The following JAK1 variants were observed in gnomAD, a reference collection of about 807,000 sequenced individuals.
The protein encoded by JAK1 is tyrosine-protein kinase JAK1.
In JAK1, 16 loss-of-function variants were observed where a neutral mutation model predicts 136.6. The observed-to-expected ratio is 0.12, with a 90% CI of 0.08 to 0.18. The LOEUF (loss-of-function observed/expected upper bound fraction) is 0.18. Ranked by LOEUF, JAK1 falls within the 10% of genes least tolerant of loss-of-function variation. The pLI is 1.00. For synonymous variants in JAK1, 492 were observed against 519.5 expected (o/e 0.95, Z 0.72); for missense variants, 859 against 1,450.1 (o/e 0.59, Z 6.62).
chr1:64,926,432 G>A (rs947398272), intron 1 of JAK1, among the ~76,000 whole-genome samples: 9 of 133,672 alleles, frequency 6.7e-5, no homozygotes, highest in South Asian at 2.2e-4. Context: ...CAGAGCCATC[G>A]CAGCACTGTT....
Position 64,867,056 on chromosome 1 carries a change from T to C in JAK1, c.800A>G (p.Lys267Arg). 1.2e-6 allele frequency: 2 copies of C among 1,614,276 alleles called. No homozygotes were observed. The highest frequency in any genetic ancestry group is 1.7e-6 in the Non-Finnish European group (2 of 1,180,052). ...TTCCAAGGTAGCCAAGTATTTCACC[T>C]TCAGGTCATGCGTGGACACGCTGCT... ...CDSSVSTHDLKVKYLATLETL... is the reference protein window; with the variant it reads ...CDSSVSTHDLRVKYLATLETL... The change falls in exon 7 of 25, where the codon AAG becomes AGG. Residue 267 changes from lysine (K) to arginine (R), a missense_variant. Lys to Arg is a conservative substitution (Grantham distance 26). This residue lies in a region of JAK1 where 353 missense variants were observed against 494.0 expected (regional missense o/e 0.71). Transcript: ENST00000342505.
chr1:64,883,283 C>T lies in JAK1; in HGVS notation c.199G>A (p.Ala67Thr), dbSNP rs2101263671. Residue 67 changes from alanine (A) to threonine (T), a missense_variant, in exon 3 of 25, where the codon GCA becomes ACA. Coordinates refer to ENST00000342505, the MANE Select transcript of JAK1 (RefSeq NM_002227.4). ...AEELCIRAAQ[A>T]CRISPLCHNL... Reference sequence around the variant, plus strand: ...GGCAGCTGCCAGTACTCACGGCATGCCTGTGCAGCCCTGATGCACAGTTCC... The same window carrying T: ...GGCAGCTGCCAGTACTCACGGCATGTCTGTGCAGCCCTGATGCACAGTTCC... The T allele has an allele frequency of 6.2e-7, 1 of 1,612,380 alleles. No homozygotes were observed. The highest frequency in any genetic ancestry group is 8.5e-7 in the Non-Finnish European group (1 of 1,178,800).
At chr1:64,929,230 T>C (rs543807591) in intron 1 of JAK1, among the ~76,000 whole-genome samples, 17 of 152,318 alleles carry the variant, frequency 1.1e-4, no homozygotes, top group South Asian at 4.1e-4. Context: ...ACAGGCTGCA[T>C]TGTAATAAAA....
intron 1 of JAK1, among the ~76,000 whole-genome samples, chr1:64,915,047 A>G (rs975750901): frequency 1.3e-5 from 2 of 152,124 alleles, no homozygotes; most frequent in African/African-American, 4.8e-5. Flanking sequence ...TGAGTCAATT[A>G]TTTTACCTGC....
At chr1:64,856,753 T>G (rs916776083) in intron 10 of JAK1, among the ~76,000 whole-genome samples, 1 of 152,194 alleles carries the variant, frequency 6.6e-6, no homozygotes, top group African/African-American at 2.4e-5. Flanking sequence ...GGTGGTGGTG[T>G]TCCTGCATTG....
intron 2 of JAK1, among the ~76,000 whole-genome samples, chr1:65,031,070 G>T (rs1647019294): frequency 1.4e-5 from 2 of 147,802 alleles, no homozygotes; most frequent in African/African-American, 5.0e-5. Flanking sequence ...GGGAGGATCA[G>T]TTGAGCCAGG....
At chr1:65,056,638 C>T (rs532954858) in intron 1 of JAK1, among the ~76,000 whole-genome samples, 9 of 152,170 alleles carry the variant, frequency 5.9e-5, no homozygotes, top group Middle Eastern at 3.4e-3. Flanking sequence ...AAAAGTCACA[C>T]GAGGCCGGGT....
In JAK1 at chr1:64,839,851, A is replaced by G; in HGVS notation, c.2650-56T>C. On this transcript the variant is annotated intron_variant, in intron 19 of 24. Transcript: ENST00000342505. ...GGGAAGCCCCATCGTAGGCCACGGAACACACAGAAGTCTTGCTCCTCACAG... is the reference window on the plus strand; with the variant it reads ...GGGAAGCCCCATCGTAGGCCACGGAGCACACAGAAGTCTTGCTCCTCACAG... 7 of 1,442,028 alleles carry G rather than the reference A, an allele frequency of 4.9e-6. No individual in the cohort carries two copies. The South Asian group carries it at 8.0e-5, about 17-fold the overall frequency. The allele number at this position is 1,442,028 out of a possible 1,614,324, so 89.3% of individuals were successfully genotyped here. A position where few individuals can be genotyped will look rare whatever the true frequency, so the allele number is the denominator to read the frequency against.
Position 64,839,691 on chromosome 1 carries a change from G to A in JAK1, c.2754C>T (p.His918=). The A allele has an allele frequency of 6.2e-7, 1 of 1,614,188 alleles. No homozygotes were observed. ...CGATTTCCTTTTTCAGATCAGCTAT[G>A]TGGTTACCTCCACTCTCAGGCTTCA... ...KSLKPESGGN[H]IADLKKEIEI... Residue 918 remains histidine (H), a synonymous_variant, in exon 20 of 25, where the codon CAC becomes CAT. Coordinates refer to ENST00000342505, the MANE Select transcript of JAK1 (RefSeq NM_002227.4).
intron 11 of JAK1, among the ~76,000 whole-genome samples, chr1:64,852,618 G>A (rs776191208): frequency 3.3e-5 from 5 of 152,222 alleles, no homozygotes; most frequent in African/African-American, 9.6e-5. Flanking sequence ...AATGAGAGGC[G>A]GATGGAACCG....
intron 4 of JAK1, among the ~76,000 whole-genome samples, chr1:64,878,043 CAA>C (rs766197817): frequency 6.6e-6 from 1 of 152,098 alleles, no homozygotes; most frequent in African/African-American, 2.4e-5. Flanking sequence ...CAAATTCTCC[CAA>C]AAATAGTAGC....
intron 2 of JAK1, among the ~76,000 whole-genome samples, chr1:64,997,354 C>T (rs1326934022): frequency 6.6e-6 from 1 of 152,174 alleles, no homozygotes; most frequent in African/African-American, 2.4e-5. Flanking sequence ...TTAATATTAA[C>T]TCACATGACA....
At chr1:64,900,519 G>C (rs1238614212) in intron 1 of JAK1, among the ~76,000 whole-genome samples, 1 of 152,160 alleles carries the variant, frequency 6.6e-6, no homozygotes. Flanking sequence ...ACAGCGAAGT[G>C]GACAGAGATC....
At chr1:64,940,211 C>A (rs755006153) in intron 1 of JAK1, among the ~76,000 whole-genome samples, 1 of 152,220 alleles carries the variant, frequency 6.6e-6, no homozygotes, top group Non-Finnish European at 1.5e-5. Context: ...ACAAATACAC[C>A]GTGTGTGTAC....
intron 2 of JAK1, among the ~76,000 whole-genome samples, chr1:65,042,410 AC>A (rs1447527828): frequency 2.6e-4 from 19 of 71,730 alleles, no homozygotes; most frequent in African/African-American, 1.3e-3. Context: ...CTTATTTAAC[AC>A]ACACACACAC....
At chr1:64,964,971 A>T (rs1400587960) in intron 1 of JAK1, among the ~76,000 whole-genome samples, 1 of 152,188 alleles carries the variant, frequency 6.6e-6, no homozygotes, top group Non-Finnish European at 1.5e-5. Context: ...GGAAAACATC[A>T]GAGTCACCAA....
At chr1:65,041,947 G>A (rs989243263) in intron 2 of JAK1, among the ~76,000 whole-genome samples, 2 of 152,150 alleles carry the variant, frequency 1.3e-5, no homozygotes, top group African/African-American at 2.4e-5. Flanking sequence ...GGAGGCTGAG[G>A]CAGGAGAATC....
At chr1:64,985,108 C>T (rs1265478116) in intron 2 of JAK1, 2 of 1,039,568 alleles carry the variant, frequency 1.9e-6, no homozygotes, top group African/African-American at 1.6e-5. Context: ...GTCCTTCTTA[C>T]TGCCCTTTCC....
Position 64,962,964 on chromosome 1 carries a change from C to T in JAK1, c.-78+3369G>A, listed in dbSNP as rs146125120. Among the ~76,000 whole-genome samples, 368 of 152,194 alleles carry T rather than the reference C, an allele frequency of 2.4e-3. 2 individuals carry two copies. The highest frequency in any genetic ancestry group is 8.5e-3 in the African/African-American group (353 of 41,530). ...GAACGTGCCTGTAATCCCAGCTACTCGGGAGGCTGAGGCACGAGAATCACT... is the reference window on the plus strand; with the variant it reads ...GAACGTGCCTGTAATCCCAGCTACTTGGGAGGCTGAGGCACGAGAATCACT... On this transcript the variant is annotated intron_variant, in intron 1 of 24. Coordinates refer to ENST00000342505, the MANE Select transcript of JAK1 (RefSeq NM_002227.4).
Sources: allele counts gnomAD v4.1 joint callset (sites outside exome capture counted in the v4.1 genomes callset), GRCh38; gene constraint gnomAD v4.1.1; regional missense constraint gnomAD v4.1.1; transcripts MANE v1.5; gene names NCBI Gene and HGNC (gene_info 2026-07-23, HGNC 2026-07-21).